BORCS5: variants seen among roughly 807,000 people sequenced by gnomAD.
The protein encoded by BORCS5 is BLOC-1 related complex subunit 5.
Under a neutral mutation model 22.1 loss-of-function variants are expected in BORCS5, and 17 were observed. The observed-to-expected ratio is 0.77, with a 90% CI of 0.53 to 1.15. The LOEUF (loss-of-function observed/expected upper bound fraction) is 1.15, where lower values mean the gene tolerates loss of function less well. BORCS5 is among the 50% of genes most tolerant of loss of function. The pLI, the probability that BORCS5 is intolerant of heterozygous loss-of-function variation, is 0.00. For missense variants in BORCS5, 247 were observed against 253.2 expected (o/e 0.98, Z 0.17); for synonymous variants, 117 against 99.8 (o/e 1.17, Z -1.03).
At chr12:12,447,972 C>T (rs1438917074) in intron 3 of BORCS5, among the ~76,000 whole-genome samples, 1 of 152,162 alleles carries the variant, frequency 6.6e-6, no homozygotes, top group East Asian at 1.9e-4. Context: ...GTGACAGCAG[C>T]AATAATGTTG....
intron 3 of BORCS5, among the ~76,000 whole-genome samples, chr12:12,457,913 C>T (rs964525963): frequency 3.3e-5 from 5 of 152,214 alleles, no homozygotes; most frequent in Admixed American, 3.3e-4. Flanking sequence ...GCATCAGTGT[C>T]ATGAATAGCC....
intron 3 of BORCS5, among the ~76,000 whole-genome samples, chr12:12,449,910 C>T (rs1261752548): frequency 6.6e-6 from 1 of 152,202 alleles, no homozygotes; most frequent in Non-Finnish European, 1.5e-5. Context: ...CAGATCCAGG[C>T]TCACCGAGCA....
intron 2 of BORCS5, among the ~76,000 whole-genome samples, chr12:12,400,910 A>G (rs549669796): frequency 1.3e-5 from 2 of 152,262 alleles, no homozygotes; most frequent in South Asian, 2.1e-4. Context: ...GTTGTGTTCT[A>G]TATGTATCCT....
intron 2 of BORCS5, among the ~76,000 whole-genome samples, chr12:12,434,798 A>C (rs917479074): frequency 6.6e-6 from 1 of 152,126 alleles, no homozygotes; most frequent in Non-Finnish European, 1.5e-5. Context: ...AAAAGATAAA[A>C]CTCACATAAA....
intron 3 of BORCS5, among the ~76,000 whole-genome samples, chr12:12,464,003 C>T (rs1360309534): frequency 6.6e-6 from 1 of 152,188 alleles, no homozygotes; most frequent in Non-Finnish European, 1.5e-5. Flanking sequence ...CTCCCACGAG[C>T]CCCGCTGTCT....
chr12:12,363,105 G>A (rs1000660986), intron 2 of BORCS5, among the ~76,000 whole-genome samples: 23 of 151,922 alleles, frequency 1.5e-4, no homozygotes, highest in African/African-American at 5.6e-4. Flanking sequence ...AGACCAGCCT[G>A]GGCAACACAA....
intron 3 of BORCS5, among the ~76,000 whole-genome samples, chr12:12,437,591 C>T (rs1417647915): frequency 2.0e-5 from 3 of 152,158 alleles, no homozygotes; most frequent in Non-Finnish European, 4.4e-5. Context: ...TGGAAAGTCA[C>T]AAAGCGTATT....
chr12:12,414,665 G>A (rs1941869976), intron 2 of BORCS5, among the ~76,000 whole-genome samples: 1 of 99,096 alleles, frequency 1.0e-5, no homozygotes, highest in African/African-American at 4.5e-5. Flanking sequence ...CTCCCGGACG[G>A]GGCGGCTGGC....
intron 2 of BORCS5, among the ~76,000 whole-genome samples, chr12:12,399,732 A>G (rs577120683): frequency 1.2e-4 from 18 of 152,330 alleles, no homozygotes; most frequent in South Asian, 4.1e-4. Context: ...GTAGGTTTCA[A>G]TCTTTTAAGC....
chr12:12,360,821 A>G (rs1350066516), intron 1 of BORCS5, among the ~76,000 whole-genome samples: 1 of 152,050 alleles, frequency 6.6e-6, no homozygotes, highest in Non-Finnish European at 1.5e-5. Flanking sequence ...CTCGGGCTCA[A>G]GTGATTCTCC....
At chr12:12,414,717 G>A (rs1307978899) in intron 2 of BORCS5, among the ~76,000 whole-genome samples, 1 of 135,048 alleles carries the variant, frequency 7.4e-6, no homozygotes. Flanking sequence ...CCCGGATGGG[G>A]TGGCTGCCGG....
chr12:12,390,882 C>T (rs1414366002), intron 2 of BORCS5, among the ~76,000 whole-genome samples: 1 of 151,944 alleles, frequency 6.6e-6, no homozygotes, highest in African/African-American at 2.4e-5. Flanking sequence ...GCTAGGAGTA[C>T]AGGCATAAGC....
At chr12:12,367,101 A>G (rs749215635) in intron 2 of BORCS5, among the ~76,000 whole-genome samples, 2 of 152,206 alleles carry the variant, frequency 1.3e-5, no homozygotes, top group Non-Finnish European at 1.5e-5. Context: ...GTGGAGCGAA[A>G]TCTCATGGAA....
At chr12:12,453,859 G>A (rs1468578831) in intron 3 of BORCS5, among the ~76,000 whole-genome samples, 2 of 152,078 alleles carry the variant, frequency 1.3e-5, no homozygotes, top group Middle Eastern at 3.4e-3. Flanking sequence ...CCTATCCCCT[G>A]GCAACTACCA....
intron 3 of BORCS5, among the ~76,000 whole-genome samples, chr12:12,444,157 AT>A (rs1942738316): frequency 6.6e-6 from 1 of 152,240 alleles, no homozygotes; most frequent in Admixed American, 6.5e-5. Flanking sequence ...ATATTCTTCA[AT>A]TATCTCATCC....
chr12:12,433,322 C>CAA (rs34833037), intron 2 of BORCS5, among the ~76,000 whole-genome samples: 1,089 of 40,372 alleles, frequency 0.027, 44 homozygotes, highest in Non-Finnish European at 0.04. Context: ...GACTGTGTCT[C>CAA]AAAAAAAAAA....
chr12:12,401,933 G>T (rs1448596198), intron 2 of BORCS5, among the ~76,000 whole-genome samples: 2 of 151,814 alleles, frequency 1.3e-5, no homozygotes, highest in African/African-American at 4.8e-5. Context: ...GGGCTTGGTG[G>T]TGGGCGCCTG....
intron 3 of BORCS5, among the ~76,000 whole-genome samples, chr12:12,438,360 C>T (rs1461949126): frequency 4.2e-5 from 1 of 23,810 alleles, no homozygotes; most frequent in Non-Finnish European, 6.9e-5. Flanking sequence ...GATTTCATCT[C>T]AAAAAAAAAA....
At chr12:12,386,181 A>G (rs1863875551) in intron 2 of BORCS5, among the ~76,000 whole-genome samples, 1 of 150,492 alleles carries the variant, frequency 6.6e-6, no homozygotes, top group Non-Finnish European at 1.5e-5. Context: ...TTGTATTTTT[A>G]GTAGAGACAG....
Sources: gnomAD v4.1 joint callset for allele counts (sites outside exome capture counted in the v4.1 genomes callset) on GRCh38, gnomAD v4.1.1 for gene constraint, MANE v1.5 for transcripts, NCBI Gene and HGNC (gene_info 2026-07-23, HGNC 2026-07-21) for gene names.